The following DCAF7 variants were observed in gnomAD, a reference collection of about 807,000 sequenced individuals.
The protein encoded by DCAF7 is DDB1 and CUL4 associated factor 7, also known as DDB1- and CUL4-associated factor 7.
DCAF7 carries 4 observed loss-of-function variants against 41.2 expected under a neutral mutation model. That is an observed-to-expected ratio of 0.10 (90% confidence interval 0.05 to 0.22). The LOEUF is 0.22. Ranked by LOEUF, DCAF7 falls within the 10% of genes least tolerant of loss-of-function variation. DCAF7 has a pLI of 1.00. For synonymous variants in DCAF7, 143 were observed against 164.2 expected (o/e 0.87, Z 0.99); for missense variants, 131 against 443.2 (o/e 0.30, Z 6.32).
intron 1 of DCAF7, among the ~76,000 whole-genome samples, chr17:63,577,577 C>CT (rs1026420107): frequency 1.7e-4 from 26 of 151,552 alleles, no homozygotes; most frequent in East Asian, 1.5e-3. Flanking sequence ...ATGGCGCCGA[C>CT]TTTTTTTTTG....
At chr17:63,578,011 G>C (rs1047992579) in intron 1 of DCAF7, among the ~76,000 whole-genome samples, 1 of 152,170 alleles carries the variant, frequency 6.6e-6, no homozygotes, top group African/African-American at 2.4e-5. Context: ...GGTTGGACTA[G>C]ATACCCTCTC....
At chr17:63,588,189 A>ATTTTTTTTT (rs377638787) in intron 6 of DCAF7, among the ~76,000 whole-genome samples, 1 of 120,260 alleles carries the variant, frequency 8.3e-6, no homozygotes, top group African/African-American at 3.9e-5. Flanking sequence ...ATTTTCTTGG[A>ATTTTTTTTT]TTTTTTTTTT....
chr17:63,579,230 C>T (rs2033593835), intron 2 of DCAF7, 107 bp from the exon 3 acceptor site: 10 of 699,716 alleles, frequency 1.4e-5, no homozygotes, highest in Non-Finnish European at 4.7e-6. Flanking sequence ...AAATGTTTTC[C>T]CCTCATGTCT....
At chr17:63,570,914 G>A (rs563010898) in intron 1 of DCAF7, among the ~76,000 whole-genome samples, 2 of 152,236 alleles carry the variant, frequency 1.3e-5, no homozygotes, top group South Asian at 2.1e-4. Flanking sequence ...GGCCAGGCAC[G>A]GTGGCTCATG....
chr17:63,587,382 A>G (rs995341985), intron 6 of DCAF7, among the ~76,000 whole-genome samples: 7 of 151,854 alleles, frequency 4.6e-5, no homozygotes, highest in Non-Finnish European at 1.0e-4. Flanking sequence ...GCAGAAAAGA[A>G]AGGTGTCATC....
chr17:63,579,889 A>G lies in DCAF7; in HGVS notation c.474A>G (p.Arg158=). ...WGLETGQVLG[R]VNLVSGHVKT... ...TGGAGACAGGGCAGGTGTTAGGGCG[A>G]GTGAATCTCGTGTCTGGCCACGTGA... Residue 158 remains arginine (R), a synonymous_variant, in exon 4 of 7, where the codon CGA becomes CGG. Transcript: ENST00000614556. 5 of 1,613,912 alleles carry G rather than the reference A, an allele frequency of 3.1e-6. No individual in the cohort carries two copies. The East Asian group carries it at 1.1e-4, about 36-fold the overall frequency.
At chr17:63,552,452 C>T (rs528411451) in intron 1 of DCAF7, 163 of 152,308 alleles carry the variant, frequency 1.1e-3, no homozygotes, top group Admixed American at 1.8e-3. Flanking sequence ...ACCCATTGCC[C>T]GGGCGAGATA....
chr17:63,564,060 A>G (rs1849650074), intron 1 of DCAF7, among the ~76,000 whole-genome samples: 2 of 152,058 alleles, frequency 1.3e-5, no homozygotes, highest in South Asian at 4.1e-4. Context: ...ATGTTTGACC[A>G]TATAGAAGAA....
At chr17:63,576,856 G>T (rs2033567855) in intron 1 of DCAF7, among the ~76,000 whole-genome samples, 1 of 152,232 alleles carries the variant, frequency 6.6e-6, no homozygotes, top group Non-Finnish European at 1.5e-5. Context: ...TGAGCCTGCA[G>T]TGAACCACGA....
intron 1 of DCAF7, 105 bp from the exon 2 acceptor site, chr17:63,578,365 A>T: frequency 6.6e-7 from 1 of 1,506,560 alleles, no homozygotes; most frequent in Non-Finnish European, 9.1e-7. Flanking sequence ...TCCTGTCTTT[A>T]AAACAAAAAA....
At chr17:63,565,963 T>C (rs1389524307) in intron 1 of DCAF7, among the ~76,000 whole-genome samples, 1 of 152,002 alleles carries the variant, frequency 6.6e-6, no homozygotes, top group African/African-American at 2.4e-5. Flanking sequence ...TAGCTGGGCA[T>C]GGTGGTGTGT....
At chr17:63,557,489 A>G (rs1162119411) in intron 1 of DCAF7, among the ~76,000 whole-genome samples, 1 of 151,968 alleles carries the variant, frequency 6.6e-6, no homozygotes, top group African/African-American at 2.4e-5. Context: ...AGCCTGGGTG[A>G]TGAAGTGAGA....
intron 1 of DCAF7, among the ~76,000 whole-genome samples, chr17:63,555,518 C>T (rs562035971): frequency 2.0e-5 from 3 of 152,230 alleles, no homozygotes; most frequent in East Asian, 1.9e-4. Flanking sequence ...TTGGTATTTG[C>T]GGTAGCCCTT....
chr17:63,559,363 G>GTA lies in DCAF7; in HGVS notation c.138+8558_138+8559dup, dbSNP rs1278030042. On this transcript the variant is annotated intron_variant, in intron 1 of 6. Coordinates refer to ENST00000614556, the MANE Select transcript of DCAF7 (RefSeq NM_005828.5). The stretch of plus-strand genomic sequence containing the variant: ...CATATATATACGTATATATATGTAT[G>GTA]TATATATATATGTGTATATATATGT... Among the ~76,000 whole-genome samples, 25 of 94,266 alleles carry GTA rather than the reference G, an allele frequency of 2.7e-4. 1 individual carries two copies. Among genetic ancestry groups the GTA allele is most frequent in the East Asian group, 1.4e-3 (5 of 3,624 alleles). The allele number at this position is 94,266 out of a possible 152,430, so 61.8% of individuals were successfully genotyped here.
intron 1 of DCAF7, among the ~76,000 whole-genome samples, chr17:63,573,086 C>A (rs2147770457): frequency 6.6e-6 from 1 of 152,154 alleles, no homozygotes; most frequent in Admixed American, 6.5e-5. Flanking sequence ...CTTTATTCTG[C>A]CCAATGAGCC....
chr17:63,577,607 C>T (rs975977307), intron 1 of DCAF7, among the ~76,000 whole-genome samples: 6 of 152,164 alleles, frequency 3.9e-5, no homozygotes, highest in Non-Finnish European at 8.8e-5. Flanking sequence ...GTGGTTTGGG[C>T]TCTCAAACGG....
At position 63,550,824 on chromosome 17, in the gene DCAF7, G is replaced by A; in HGVS notation, c.138+9G>A. On this transcript the variant is annotated intron_variant, in intron 1 of 6. Transcript: ENST00000614556. The surrounding 1 kb of genome is among the most constrained non-coding windows in gnomAD (Gnocchi z 4.8). ...AGGAGTACAACAACAAGGTGGGCCG[G>A]GCAGGGGCTCGGAACCCAGCTGGCG... is the stretch of plus-strand genomic sequence containing the variant. The A allele has an allele frequency of 6.2e-7, 1 of 1,612,112 alleles. No homozygotes were observed. Among genetic ancestry groups the A allele is most frequent in the Non-Finnish European group, 8.5e-7 (1 of 1,178,904 alleles).
At chr17:63,551,275 C>CTATT (rs1342121146) in intron 1 of DCAF7, among the ~76,000 whole-genome samples, 1 of 151,676 alleles carries the variant, frequency 6.6e-6, no homozygotes, top group Non-Finnish European at 1.5e-5. Context: ...TTAAGACGAT[C>CTATT]TATTGTACAA....
At chr17:63,568,188 T>G (rs1364676259) in intron 1 of DCAF7, among the ~76,000 whole-genome samples, 1 of 151,884 alleles carries the variant, frequency 6.6e-6, no homozygotes, top group Non-Finnish European at 1.5e-5. Flanking sequence ...ACCCAGCTAA[T>G]TTTTGTATTT....
Sources: gnomAD v4.1 joint callset for allele counts (sites outside exome capture counted in the v4.1 genomes callset) on GRCh38, gnomAD v4.1.1 for gene constraint, Gnocchi (gnomAD v3.1) non-coding constraint, MANE v1.5 for transcripts, NCBI Gene and HGNC (gene_info 2026-07-23, HGNC 2026-07-21) for gene names.